Variants in INTS3 observed in about 807,000 individuals in gnomAD.
INTS3 encodes SOSS complex subunit A.
In INTS3, 34 loss-of-function variants were observed where a neutral mutation model predicts 146.3. The ratio of observed to expected loss-of-function variants is 0.23; its 90% CI spans 0.18 to 0.31. The LOEUF (loss-of-function observed/expected upper bound fraction) is 0.31, where lower values mean the gene tolerates loss of function less well. INTS3 is among the 10% of genes least tolerant of loss of function. The pLI is 1.00. For synonymous variants in INTS3, 475 were observed against 494.9 expected (o/e 0.96, Z 0.53); for missense variants, 757 against 1,304.2 (o/e 0.58, Z 6.46).
At chr1:153,769,871 GGGAGA>G (rs1336086105) in intron 23 of INTS3, 27 bp downstream of exon 23, 7 of 1,498,106 alleles carry the variant, frequency 4.7e-6, no homozygotes, top group Non-Finnish European at 5.6e-6. Context: ...TTAGGTGCCT[GGGAGA>G]GGAGAGGAGG....
chr1:153,765,010 A>G lies in INTS3; in HGVS notation c.2037A>G (p.Leu679=), dbSNP rs770010575. 5 of 1,614,070 alleles carry G rather than the reference A, an allele frequency of 3.1e-6. No individual in the cohort carries two copies. The South Asian group carries it at 4.4e-5, about 14-fold the overall frequency. Residue 679 remains leucine, a synonymous_variant, in exon 20 of 30, where the codon CTA becomes CTG. Transcript: ENST00000318967. ...TACTTCTAGACCTTCTCTCCGAGCT[A>G]TATCAGAAGCAGCCCAAGATTGGCT... The part of the protein sequence containing the change: ...FSLLLDLLSE[L]YQKQPKIGYH...
chr1:153,765,355 T>C (rs866935565), intron 20 of INTS3, among the ~76,000 whole-genome samples: 6 of 152,088 alleles, frequency 3.9e-5, no homozygotes, highest in Middle Eastern at 6.8e-3. Context: ...GCCCAGATAA[T>C]TTTTTAAAAT....
At chr1:153,731,901 C>CTTTTT (rs34353204) in intron 1 of INTS3, among the ~76,000 whole-genome samples, 12 of 65,280 alleles carry the variant, frequency 1.8e-4, no homozygotes, top group East Asian at 5.2e-4. Context: ...CTTTTTTTAA[C>CTTTTT]TTTTTTTTTT....
At chr1:153,771,441 C>T (rs1672861011) in intron 25 of INTS3, among the ~76,000 whole-genome samples, 1 of 151,812 alleles carries the variant, frequency 6.6e-6, no homozygotes, top group Non-Finnish European at 1.5e-5. Context: ...GGTTGGCCCA[C>T]AGCTTTAGCA....
Position 153,774,722 on chromosome 1 carries a change from GAAAGTCTAA to G in INTS3, c.*1454_*1462del. 5.0e-6 allele frequency: 1 copy of G among 199,790 alleles called. No homozygotes were observed. Among genetic ancestry groups the G allele is most frequent in the South Asian group, 8.7e-5 (1 of 11,436 alleles). 12.4% of individuals were successfully genotyped at this position (199,790 alleles called of 1,614,324 possible). On this transcript the variant is annotated 3_prime_UTR_variant, in exon 30 of 30. Coordinates refer to ENST00000318967, the MANE Select transcript of INTS3 (RefSeq NM_023015.5). ...CCTCATCACTGCTGTTGCTTCCTTTGAAAGTCTAAACCACTGGAGGCTTCTTTTTCCTTC... is the reference window on the plus strand; with the variant it reads ...CCTCATCACTGCTGTTGCTTCCTTTGACCACTGGAGGCTTCTTTTTCCTTC...
intron 11 of INTS3, chr1:153,759,937 A>G: frequency 2.0e-6 from 1 of 496,902 alleles, no homozygotes; most frequent in Non-Finnish European, 3.6e-6. Context: ...GCTGGGAACA[A>G]GAAGGGAAAT....
chr1:153,728,822 GT>G, intron 1 of INTS3, 38 bp downstream of exon 1: 2 of 1,141,468 alleles, frequency 1.8e-6, no homozygotes, highest in Non-Finnish European at 2.4e-6. Context: ...AAGAAATTGG[GT>G]TTTGGAGGGA....
At chr1:153,765,101 A>G (rs764782827) in intron 20 of INTS3, 38 bp downstream of exon 20, 1 of 1,611,866 alleles carries the variant, frequency 6.2e-7, no homozygotes, top group Non-Finnish European at 8.5e-7. Flanking sequence ...GTGTCAGGAC[A>G]CATCCTGGAG....
chr1:153,742,903 A>G (rs1451124770), intron 3 of INTS3, among the ~76,000 whole-genome samples: 1 of 152,230 alleles, frequency 6.6e-6, no homozygotes, highest in African/African-American at 2.4e-5. Flanking sequence ...GCTAGCATTC[A>G]TGTTCACATG....
Position 153,761,767 on chromosome 1 carries a change from C to G in INTS3, c.1516+91C>G, listed in dbSNP as rs553821773. 1,134 of 721,642 alleles carry G rather than the reference C, an allele frequency of 1.6e-3. 3 individuals carry two copies. Among genetic ancestry groups the G allele is most frequent in the Admixed American group, 2.6e-3 (102 of 39,604 alleles). The allele number at this position is 721,642 out of a possible 1,614,324, so 44.7% of individuals were successfully genotyped here. A position where few individuals can be genotyped will look rare whatever the true frequency, so the allele number is the denominator to read the frequency against. ...AGAGCCCCTTTCAGGATGTCCCACACAGTTCTCCACTTCCGTGACACTGTC... is the reference window on the plus strand; with the variant it reads ...AGAGCCCCTTTCAGGATGTCCCACAGAGTTCTCCACTTCCGTGACACTGTC... On this transcript the variant is annotated intron_variant, in intron 14 of 29. Transcript: ENST00000318967.
Position 153,773,051 on chromosome 1 carries a change from C to G in INTS3, c.3021C>G (p.Ala1007=). 6.2e-7 allele frequency: 1 copy of G among 1,614,130 alleles called. No individual in the cohort carries two copies. The highest frequency in any genetic ancestry group is 8.5e-7 in the Non-Finnish European group (1 of 1,180,044). Residue 1007 remains alanine (A), a synonymous_variant, in exon 29 of 30, where the codon GCC becomes GCG. Coordinates refer to ENST00000318967, the MANE Select transcript of INTS3 (RefSeq NM_023015.5). ...AGAATGCCACACAGCCCCCCAATGC[C>G]GAAGAAGAGTCGGGCTCCAGCAGTG... is the stretch of plus-strand genomic sequence containing the variant. ...SRKNATQPPN[A]EEESGSSSAS... is the part of the protein sequence containing the mutation.
intron 10 of INTS3, among the ~76,000 whole-genome samples, 194 bp from the exon 11 acceptor site, chr1:153,759,332 T>TA (rs1231926302): frequency 6.6e-6 from 1 of 151,850 alleles, no homozygotes; most frequent in Non-Finnish European, 1.5e-5. Context: ...TCTGTCCTCT[T>TA]GGTTAAGACC....
At chr1:153,766,225 G>T (rs1191370816) in intron 20 of INTS3, among the ~76,000 whole-genome samples, 8 of 147,110 alleles carry the variant, frequency 5.4e-5, no homozygotes, top group Non-Finnish European at 1.0e-4. Context: ...AGGTTCAAGC[G>T]ATTCTCCTGC....
chr1:153,745,161 C>T (rs1253270348), intron 3 of INTS3, among the ~76,000 whole-genome samples: 4 of 138,850 alleles, frequency 2.9e-5, no homozygotes, highest in Non-Finnish European at 3.1e-5. Flanking sequence ...CCTTGCTGTA[C>T]TTTTTTTTTT....
At chr1:153,751,781 T>G (rs1014790887) in intron 7 of INTS3, among the ~76,000 whole-genome samples, 4 of 152,218 alleles carry the variant, frequency 2.6e-5, no homozygotes, top group African/African-American at 9.6e-5. Flanking sequence ...TAATGTTAGA[T>G]AAAAAGTTAA....
At chr1:153,760,067 T>C in intron 11 of INTS3, 1 of 569,686 alleles carries the variant, frequency 1.8e-6, no homozygotes, top group Non-Finnish European at 3.1e-6. Context: ...TTTATGGAGA[T>C]AGAAACAGAC....
In INTS3 at chr1:153,765,046, C is replaced by T. The variant is rs1672524121; in HGVS notation, c.2073C>T (p.Leu691=). The T allele has an allele frequency of 2.5e-6, 4 of 1,614,026 alleles. No homozygotes were observed. The highest frequency in any genetic ancestry group is 1.7e-5 in the Admixed American group (1 of 59,996). ...QKQPKIGYHL[L]YYLRASKAAA... is the part of the protein sequence containing the mutation. ...AGCCCAAGATTGGCTACCACCTGCTCTACTACCTGAGGGCCAGGTGGGTAT... is the reference window on the plus strand; with the variant it reads ...AGCCCAAGATTGGCTACCACCTGCTTTACTACCTGAGGGCCAGGTGGGTAT... The change falls in exon 20 of 30, where the codon CTC becomes CTT. Residue 691 remains leucine (L), a synonymous_variant. Coordinates refer to ENST00000318967, the MANE Select transcript of INTS3 (RefSeq NM_023015.5).
At chr1:153,769,409 T>G (rs769239782) in intron 22 of INTS3, among the ~76,000 whole-genome samples, 35 of 152,130 alleles carry the variant, frequency 2.3e-4, no homozygotes, top group Non-Finnish European at 4.7e-4. Context: ...TAGTTCTCAT[T>G]CATAAAAGAG....
chr1:153,751,009 C>T (rs1358999453), intron 6 of INTS3, 86 bp from the exon 7 acceptor site: 1 of 1,362,370 alleles, frequency 7.3e-7, no homozygotes, highest in Non-Finnish European at 1.0e-6. Context: ...ATTTCTGAGG[C>T]ACTGTAGCCA....
Sources: allele counts gnomAD v4.1 joint callset (sites outside exome capture counted in the v4.1 genomes callset), GRCh38; gene constraint gnomAD v4.1.1; transcripts MANE v1.5; gene names NCBI Gene and HGNC (gene_info 2026-07-23, HGNC 2026-07-21).